The following TPST1 variants were observed in gnomAD, a reference collection of about 807,000 sequenced individuals.
TPST1 encodes tyrosylprotein sulfotransferase 1.
In TPST1, 20 loss-of-function variants were observed where a neutral mutation model predicts 34.8. That is an observed-to-expected ratio of 0.57 (90% confidence interval 0.40 to 0.84). The LOEUF (loss-of-function observed/expected upper bound fraction) is 0.84. TPST1 is among the 40% of genes least tolerant of loss of function. TPST1 has a pLI of 0.00. For missense variants in TPST1, 353 were observed against 455.5 expected, an observed-to-expected ratio of 0.78 and a Z score of 2.05; for synonymous variants, 152 against 159.4, an observed-to-expected ratio of 0.95 and a Z score of 0.35.
At chr7:66,328,006 C>T (rs916659648) in intron 3 of TPST1, among the ~76,000 whole-genome samples, 122 of 94,208 alleles carry the variant, frequency 1.3e-3, no homozygotes, top group Admixed American at 2.1e-3. Flanking sequence ...TTTTTTTTTC[C>T]TTTCCTTTTT....
At chr7:66,250,838 T>C (rs375724088) in intron 2 of TPST1, among the ~76,000 whole-genome samples, 1 of 152,220 alleles carries the variant, frequency 6.6e-6, no homozygotes, top group East Asian at 1.9e-4. Context: ...ACGTAAGCAC[T>C]GCGATACTGC....
intron 1 of TPST1, among the ~76,000 whole-genome samples, chr7:66,208,149 C>T (rs1390852612): frequency 2.6e-5 from 4 of 152,132 alleles, no homozygotes; most frequent in Non-Finnish European, 5.9e-5. Context: ...CTCATCAGCT[C>T]CCAAACCCTT....
intron 2 of TPST1, among the ~76,000 whole-genome samples, chr7:66,284,634 G>A (rs143716681): frequency 0.013 from 1,828 of 139,394 alleles, 37 homozygotes; most frequent in African/African-American, 0.045. Flanking sequence ...TCGGTTCACC[G>A]CAACCTCCAT....
intron 3 of TPST1, among the ~76,000 whole-genome samples, chr7:66,328,005 C>CTTTT (rs1791904425): frequency 1.2e-5 from 1 of 85,756 alleles, no homozygotes; most frequent in Non-Finnish European, 2.4e-5. Flanking sequence ...TTTTTTTTTT[C>CTTTT]CTTTCCTTTT....
Position 66,205,591 on chromosome 7 carries a change from CG to C in TPST1, c.-102+70del, listed in dbSNP as rs1426576476. The C allele has an allele frequency of 6.5e-6, 1 of 152,798 alleles. No homozygotes were observed. The highest frequency in any genetic ancestry group is 2.4e-5 in the African/African-American group (1 of 41,464). 9.5% of individuals were successfully genotyped at this position (152,798 alleles called of 1,614,324 possible). A position where few individuals can be genotyped will look rare whatever the true frequency, so the allele number is the denominator to read the frequency against. On this transcript the variant is annotated intron_variant, in intron 1 of 5. Transcript: ENST00000304842. This position sits in a 1 kb window ranked among gnomAD's most constrained non-coding sequence, Gnocchi z 5.0. ...TCTCCTCACACCCGGCCCTGTGCCC[CG>C]TCCTGGCATCCCTTGGCCCCTTGTC...
chr7:66,241,152 G>A lies in TPST1; in HGVS notation c.727G>A (p.Val243Ile), dbSNP rs775203946. 33 of 1,614,072 alleles carry A rather than the reference G, an allele frequency of 2.0e-5. No individual in the cohort carries two copies. The highest frequency in any genetic ancestry group is 2.6e-5 in the Non-Finnish European group (31 of 1,180,042). The change falls in exon 2 of 6, where the codon GTC (valine) becomes ATC (isoleucine). Residue 243 changes from valine to isoleucine, a missense_variant. Physicochemically the swap from Val to Ile is conservative, Grantham distance 29 (BLOSUM62 3). Coordinates refer to ENST00000304842, the MANE Select transcript of TPST1 (RefSeq NM_003596.4). ...CATGTTGGTTCACTATGAACAACTT[G>A]TCTTACATCCTGAACGGTGGATGAG... ...KCMLVHYEQL[V>I]LHPERWMRTL... is the part of the protein sequence containing the mutation.
chr7:66,270,714 G>T (rs1423752978), intron 2 of TPST1, among the ~76,000 whole-genome samples: 4 of 152,154 alleles, frequency 2.6e-5, no homozygotes, highest in African/African-American at 9.7e-5. Flanking sequence ...TCGAACTGCT[G>T]ATTATCCAGC....
At chr7:66,216,089 A>G (rs1407174266) in intron 1 of TPST1, among the ~76,000 whole-genome samples, 1 of 152,106 alleles carries the variant, frequency 6.6e-6, no homozygotes, top group African/African-American at 2.4e-5. Context: ...CTTTGTGGAA[A>G]ATTTTAAATT....
intron 3 of TPST1, among the ~76,000 whole-genome samples, chr7:66,337,149 A>C (rs756865023): frequency 1.3e-5 from 2 of 152,194 alleles, no homozygotes; most frequent in Non-Finnish European, 2.9e-5. Context: ...GCTAATGGGT[A>C]AAAAGAAAGC....
At chr7:66,358,581 G>T (rs905975732) in intron 5 of TPST1, among the ~76,000 whole-genome samples, 25 of 152,118 alleles carry the variant, frequency 1.6e-4, no homozygotes, top group Non-Finnish European at 4.4e-5. Flanking sequence ...TGCGTTGATG[G>T]ATTATAGACA....
intron 1 of TPST1, among the ~76,000 whole-genome samples, chr7:66,219,547 A>G (rs1486444685): frequency 6.6e-6 from 1 of 152,218 alleles, no homozygotes; most frequent in Non-Finnish European, 1.5e-5. Context: ...TAATGGCTAC[A>G]TGGATTTATA....
chr7:66,317,643 A>G (rs1791661686), intron 3 of TPST1, among the ~76,000 whole-genome samples: 1 of 151,922 alleles, frequency 6.6e-6, no homozygotes, highest in African/African-American at 2.4e-5. Flanking sequence ...TTGTTAGTCT[A>G]ATCTTACCTA....
chr7:66,249,420 A>AT (rs956410426), intron 2 of TPST1, among the ~76,000 whole-genome samples: 15 of 152,180 alleles, frequency 9.9e-5, no homozygotes, highest in African/African-American at 3.6e-4. Context: ...CCTTTTCTGA[A>AT]TTACCTGTCT....
chr7:66,341,767 G>A (rs949904657), intron 3 of TPST1, among the ~76,000 whole-genome samples: 8 of 152,034 alleles, frequency 5.3e-5, no homozygotes, highest in African/African-American at 1.2e-4. Context: ...AATGTACCTC[G>A]GAGATAACAA....
At chr7:66,252,447 T>C (rs1357932658) in intron 2 of TPST1, among the ~76,000 whole-genome samples, 3 of 149,786 alleles carry the variant, frequency 2.0e-5, no homozygotes, top group African/African-American at 7.4e-5. Context: ...GCTCACACCA[T>C]TCTCCTGCCT....
intron 3 of TPST1, among the ~76,000 whole-genome samples, chr7:66,301,473 C>G (rs866623203): frequency 2.6e-5 from 4 of 152,220 alleles, no homozygotes; most frequent in African/African-American, 7.2e-5. Context: ...ATGGAAGAGG[C>G]CTGGCTTTCA....
intron 2 of TPST1, among the ~76,000 whole-genome samples, chr7:66,244,939 A>G (rs1426078473): frequency 6.6e-6 from 1 of 152,220 alleles, no homozygotes; most frequent in Non-Finnish European, 1.5e-5. Context: ...GTACAAGAGA[A>G]CAAATAAGAA....
At position 66,337,552 on chromosome 7, in the gene TPST1, G is replaced by C. The variant is rs559186480; in HGVS notation, c.1045-14953G>C. 6.6e-5 allele frequency among the ~76,000 whole-genome samples: 10 copies of C among 151,994 alleles called. No individual in the cohort carries two copies. In the South Asian group the frequency reaches 2.1e-3, roughly 32 times the overall value. Reference sequence around the variant, plus strand: ...TCGAACTCCTGACCTCAGGTGATCCGCCCATCTCGGCCTCCTGAAGTGCTG... The same window carrying C: ...TCGAACTCCTGACCTCAGGTGATCCCCCCATCTCGGCCTCCTGAAGTGCTG... On this transcript the variant is annotated intron_variant, in intron 3 of 5. Coordinates refer to ENST00000304842, the MANE Select transcript of TPST1 (RefSeq NM_003596.4).
intron 3 of TPST1, among the ~76,000 whole-genome samples, chr7:66,337,162 C>G (rs1230543963): frequency 6.6e-6 from 1 of 152,060 alleles, no homozygotes; most frequent in Admixed American, 6.6e-5. Context: ...AAGAAAGCAT[C>G]TAATGGCATT....
Sources: allele counts gnomAD v4.1 joint callset (sites outside exome capture counted in the v4.1 genomes callset), GRCh38; gene constraint gnomAD v4.1.1; non-coding constraint Gnocchi (gnomAD v3.1); transcripts MANE v1.5; gene names NCBI Gene and HGNC (gene_info 2026-07-23, HGNC 2026-07-21).